The following RFC3 variants were observed in gnomAD, a reference collection of about 807,000 sequenced individuals.
RFC3 encodes the protein replication factor C subunit 3.
RFC3 carries 41 observed loss-of-function variants against 45.1 expected under a neutral mutation model. The ratio of observed to expected loss-of-function variants is 0.91; its 90% CI spans 0.71 to 1.18. The LOEUF (loss-of-function observed/expected upper bound fraction) is 1.18, where lower values mean the gene tolerates loss of function less well. Among genes scored for constraint, RFC3 ranks in the 50% most tolerant of loss-of-function variants. The pLI is 0.00. For synonymous variants in RFC3, 149 were observed against 144.0 expected, an observed-to-expected ratio of 1.03 and a Z score of -0.25; for missense variants, 423 against 428.1, an observed-to-expected ratio of 0.99 and a Z score of 0.10.
At chr13:33,949,516 T>C (rs2082975566) in intron 8 of RFC3, among the ~76,000 whole-genome samples, 1 of 152,218 alleles carries the variant, frequency 6.6e-6, no homozygotes, top group South Asian at 2.1e-4. Flanking sequence ...TTCTTTCAAA[T>C]TAAAATAGTA....
At chr13:33,881,007 G>A (rs1433857686) in intron 8 of RFC3, among the ~76,000 whole-genome samples, 1 of 152,170 alleles carries the variant, frequency 6.6e-6, no homozygotes, top group Non-Finnish European at 1.5e-5. Flanking sequence ...AGTGAGCTGA[G>A]ATCGTGCCCT....
chr13:33,952,681 T>C (rs530701024), intron 8 of RFC3, among the ~76,000 whole-genome samples: 4 of 152,166 alleles, frequency 2.6e-5, no homozygotes, highest in Admixed American at 6.5e-5. Context: ...TTGGTCCTAG[T>C]TGAAAGGGAG....
chr13:33,974,441 A>G, the RFC3 span, among the ~76,000 whole-genome samples: 3 of 152,132 alleles, frequency 2.0e-5, no homozygotes, highest in Non-Finnish European at 4.4e-5. Flanking sequence ...GCTGCTAAAC[A>G]ACTCTATTTC....
chr13:33,958,168 G>A (rs1444665164), intron 8 of RFC3, among the ~76,000 whole-genome samples: 3 of 152,216 alleles, frequency 2.0e-5, no homozygotes, highest in Non-Finnish European at 4.4e-5. Context: ...AGACATCAAA[G>A]TAGGTCTCAG....
chr13:33,896,673 C>T (rs1210245133), intron 8 of RFC3, among the ~76,000 whole-genome samples: 2 of 120,770 alleles, frequency 1.7e-5, no homozygotes, highest in Non-Finnish European at 3.2e-5. Context: ...GATTGCACTG[C>T]TGCACTCCAG....
At chr13:33,844,425 C>A (rs781386540) in intron 8 of RFC3, among the ~76,000 whole-genome samples, 5 of 152,042 alleles carry the variant, frequency 3.3e-5, no homozygotes, top group Non-Finnish European at 1.5e-5. Flanking sequence ...TTTTCTACTA[C>A]CGTTTTATCA....
At chr13:33,829,349 C>T (rs1446226111) in intron 4 of RFC3, among the ~76,000 whole-genome samples, 2 of 152,160 alleles carry the variant, frequency 1.3e-5, no homozygotes, top group South Asian at 2.1e-4. Flanking sequence ...TAAGGTGTAC[C>T]ACAGAAATGT....
At chr13:33,818,903 T>G (rs1001331036) in intron 1 of RFC3, among the ~76,000 whole-genome samples, 9 of 148,908 alleles carry the variant, frequency 6.0e-5, no homozygotes, top group African/African-American at 2.2e-4. Flanking sequence ...TTTTTTTTTT[T>G]TTTTGAGACG....
At chr13:33,911,588 T>C (rs1229876627) in intron 8 of RFC3, among the ~76,000 whole-genome samples, 1 of 152,088 alleles carries the variant, frequency 6.6e-6, no homozygotes, top group East Asian at 1.9e-4. Context: ...TGATCAGCTT[T>C]CGGTGAGGGC....
chr13:33,895,680 G>A (rs979735430), intron 8 of RFC3, among the ~76,000 whole-genome samples: 9 of 152,132 alleles, frequency 5.9e-5, no homozygotes, highest in South Asian at 2.1e-4. Context: ...GGAAAAAGTC[G>A]TTATATCATA....
At chr13:33,855,160 T>TTGA (rs2082300985) in intron 8 of RFC3, among the ~76,000 whole-genome samples, 1 of 152,202 alleles carries the variant, frequency 6.6e-6, no homozygotes, top group African/African-American at 2.4e-5. Context: ...GCTGCTTTTC[T>TTGA]TGAGGCTTCT....
At chr13:33,820,852 C>G (rs1042224724) in intron 1 of RFC3, among the ~76,000 whole-genome samples, 5 of 150,844 alleles carry the variant, frequency 3.3e-5, no homozygotes, top group Non-Finnish European at 7.4e-5. Context: ...TGTGCTGTCA[C>G]GTATATAAGT....
At chr13:33,951,296 G>A (rs1344665275) in intron 8 of RFC3, among the ~76,000 whole-genome samples, 8 of 149,746 alleles carry the variant, frequency 5.3e-5, no homozygotes, top group African/African-American at 1.2e-4. Context: ...GCAGTGGCGC[G>A]ATCTCGGGTC....
rs546118245 is a variant in RFC3 at position 33,930,777 on chromosome 13, A to C, written c.880-35310A>C. Among the ~76,000 whole-genome samples the C allele has an allele frequency of 3.4e-3, 522 of 152,232 alleles. 5 individuals are homozygous for C. The highest frequency in any genetic ancestry group is 0.012 in the African/African-American group (497 of 41,558). ...CTTACTAATTATATGTATCGATGTA[A>C]CGTACTAATGGTGATAAAATGAACA... On this transcript the variant is annotated intron_variant, in intron 8 of 8. Coordinates refer to the RFC3 transcript ENST00000434425.
chr13:33,867,155 A>G (rs1299952975), intron 8 of RFC3, among the ~76,000 whole-genome samples: 1 of 152,234 alleles, frequency 6.6e-6, no homozygotes, highest in East Asian at 1.9e-4. Flanking sequence ...AGAAGCAGTT[A>G]GCTTTATAGA....
intron 8 of RFC3, among the ~76,000 whole-genome samples, chr13:33,895,878 G>T (rs2082594547): frequency 6.6e-6 from 1 of 152,082 alleles, no homozygotes; most frequent in Non-Finnish European, 1.5e-5. Flanking sequence ...GGAGCTGGGG[G>T]CCATTATTCT....
rs114512806 is a variant in RFC3, at chr13:33,907,650, T to C, written c.880-58437T>C. On this transcript the variant is annotated intron_variant, in intron 8 of 8. Coordinates refer to the RFC3 transcript ENST00000434425. Reference sequence around the variant, plus strand: ...ATTTAAATATTGATACTAATCATCCTAATAGATATTATTTAGAACAAAAAG... The same window carrying C: ...ATTTAAATATTGATACTAATCATCCCAATAGATATTATTTAGAACAAAAAG... Among the ~76,000 whole-genome samples, 317 of 152,206 alleles carry C rather than the reference T, an allele frequency of 2.1e-3. 5 individuals are homozygous for C. The highest frequency in any genetic ancestry group is 7.2e-3 in the African/African-American group (301 of 41,564).
chr13:33,853,577 A>T (rs1056299251), intron 8 of RFC3, among the ~76,000 whole-genome samples: 1 of 152,206 alleles, frequency 6.6e-6, no homozygotes, highest in Non-Finnish European at 1.5e-5. Context: ...GAAAGTAGGC[A>T]GGATACGCTG....
chr13:33,969,023 G>A (rs2083100089), downstream of RFC3, among the ~76,000 whole-genome samples: 1 of 152,142 alleles, frequency 6.6e-6, no homozygotes, highest in South Asian at 2.1e-4. Flanking sequence ...TTACTGCCAT[G>A]TCCTCACATT....
Sources: allele counts gnomAD v4.1 joint callset (sites outside exome capture counted in the v4.1 genomes callset), GRCh38; gene constraint gnomAD v4.1.1; transcripts MANE v1.5; gene names NCBI Gene and HGNC (gene_info 2026-07-23, HGNC 2026-07-21).